The following SRCAP variants were observed in gnomAD, a reference collection of about 807,000 sequenced individuals.
The protein encoded by SRCAP is Snf2 related CREBBP activator protein.
Under a neutral mutation model 263.1 loss-of-function variants are expected in SRCAP, and 46 were observed. The observed-to-expected ratio is 0.17, with a 90% confidence interval of 0.14 to 0.22. The LOEUF (loss-of-function observed/expected upper bound fraction) is 0.22. Among genes scored for constraint, SRCAP ranks in the 10% least tolerant of loss-of-function variants. The pLI, the probability that SRCAP is intolerant of heterozygous loss-of-function variation, is 1.00. For missense variants in SRCAP, 3,695 were observed against 4,181.9 expected, an observed-to-expected ratio of 0.88 and a Z score of 3.21; for synonymous variants, 1,813 against 1,662.1, an observed-to-expected ratio of 1.09 and a Z score of -2.21.
Position 30,711,026 on chromosome 16 carries a change from C to A in SRCAP, c.1256C>A (p.Ala419Asp), listed in dbSNP as rs1241248656. The change falls in exon 10 of 34, where the codon GCT becomes GAT. Residue 419 changes from alanine to aspartate, a missense_variant. Coordinates refer to ENST00000262518, the MANE Select transcript of SRCAP (RefSeq NM_006662.3). The part of the protein sequence containing the change: ...EAEDEEDTIA[A>D]EEQLEGEVDH... ...GAGGATGAAGAGGATACTATAGCAG[C>A]TGAGGAACAGTTGGAAGGGGAGGTG... The A allele has an allele frequency of 6.2e-7, 1 of 1,613,938 alleles. No homozygotes were observed. The highest frequency in any genetic ancestry group is 1.3e-5 in the African/African-American group (1 of 74,912).
intron 27 of SRCAP, among the ~76,000 whole-genome samples, chr16:30,730,949 T>C (rs1217558506): frequency 6.6e-6 from 1 of 152,182 alleles, no homozygotes; most frequent in Admixed American, 6.5e-5. Context: ...ATTACACACG[T>C]GAGCCATTGC....
rs966793193 is a variant in SRCAP at position 30,722,041 on chromosome 16, G to A, written c.3542-81G>A. 2.0e-6 allele frequency: 3 copies of A among 1,519,528 alleles called. No homozygotes were observed. The African/African-American group carries it at 4.1e-5, about 21-fold the overall frequency. 94.1% of individuals were successfully genotyped at this position (1,519,528 alleles called of 1,614,324 possible). ...AGTTGTTTGAACTGGACACTCGGGG[G>A]AGAGGTGTGCTTCATGGGGTCTGTG... is the stretch of plus-strand genomic sequence containing the variant. On this transcript the variant is annotated intron_variant, in intron 21 of 33. Coordinates refer to ENST00000262518, the MANE Select transcript of SRCAP (RefSeq NM_006662.3).
Position 30,723,634 on chromosome 16 carries a change from C to T in SRCAP, c.4210C>T (p.Pro1404Ser). Reference protein sequence around the residue: ...PLTISSPLHVPSSLPGPASSP... With the variant: ...PLTISSPLHVSSSLPGPASSP... ...GACCATCTCTTCTCCTCTCCACGTG[C>T]CATCCTCCCTCCCTGGGCCAGCCTC... The change falls in exon 25 of 34, where the codon CCA (proline) becomes TCA (serine). Residue 1404 changes from proline to serine, a missense_variant. By Grantham distance (74) the Pro-to-Ser change is moderately conservative (BLOSUM62 -1). Around this residue, in one of 12 missense-constraint regions of SRCAP, gnomAD observed 1,347 missense variants for 1,304.4 expected, o/e 1.03. Coordinates refer to ENST00000262518, the MANE Select transcript of SRCAP (RefSeq NM_006662.3). 6.2e-7 allele frequency: 1 copy of T among 1,613,622 alleles called. No individual in the cohort carries two copies. Among genetic ancestry groups the T allele is most frequent in the Non-Finnish European group, 8.5e-7 (1 of 1,179,666 alleles).
At chr16:30,710,883 C>A in intron 9 of SRCAP, 36 bp downstream of exon 9, 4 of 1,608,774 alleles carry the variant, frequency 2.5e-6, no homozygotes, top group Non-Finnish European at 3.4e-6. Context: ...TGCCCCTTAC[C>A]CCTTGAATGA....
At chr16:30,707,411 C>A in intron 5 of SRCAP, 43 bp downstream of exon 5, 1 of 1,607,258 alleles carries the variant, frequency 6.2e-7, no homozygotes, top group South Asian at 1.1e-5. Context: ...CTTTTCAGGT[C>A]TGTTCCTTCC....
At chr16:30,714,823 T>G (rs1239459425) in intron 16 of SRCAP, among the ~76,000 whole-genome samples, 1 of 152,150 alleles carries the variant, frequency 6.6e-6, no homozygotes, top group Non-Finnish European at 1.5e-5. Flanking sequence ...TTTTTTGTTT[T>G]TTTTTAAATG....
intron 31 of SRCAP, among the ~76,000 whole-genome samples, chr16:30,735,156 T>C (rs2053147640): frequency 1.3e-5 from 1 of 74,728 alleles, no homozygotes; most frequent in African/African-American, 3.2e-5. Flanking sequence ...TTTTTTTTTT[T>C]TTTTTTTTGA....
At position 30,738,141 on chromosome 16, in the gene SRCAP, C is replaced by T; in HGVS notation, c.8101C>T (p.Pro2701Ser). Residue 2701 changes from proline (P) to serine (S), a missense_variant, in exon 34 of 34, where the codon CCA becomes TCA. Around this residue, in one of 12 missense-constraint regions of SRCAP, gnomAD observed 1,207 missense variants for 1,142.9 expected, o/e 1.06. Coordinates refer to ENST00000262518, the MANE Select transcript of SRCAP (RefSeq NM_006662.3). Reference protein sequence around the residue: ...QELVTAEVAAPSTSSSATSSP... With the variant: ...QELVTAEVAASSTSSSATSSP... Reference sequence around the variant, plus strand: ...ACTCGTTACAGCTGAGGTTGCAGCTCCATCCACCTCATCTTCAGCCACTTC... The same window carrying T: ...ACTCGTTACAGCTGAGGTTGCAGCTTCATCCACCTCATCTTCAGCCACTTC... The T allele has an allele frequency of 6.2e-7, 1 of 1,614,182 alleles. No homozygotes were observed. The highest frequency in any genetic ancestry group is 8.5e-7 in the Non-Finnish European group (1 of 1,180,038).
chr16:30,702,225 A>G (rs953849856), intron 3 of SRCAP, among the ~76,000 whole-genome samples: 1 of 150,248 alleles, frequency 6.7e-6, no homozygotes, highest in Non-Finnish European at 1.5e-5. Context: ...AAGTGCTGGA[A>G]TGACAGGTGT....
intron 2 of SRCAP, 124 bp downstream of exon 2, chr16:30,700,105 T>A (rs1596636552): frequency 6.6e-6 from 1 of 152,222 alleles, no homozygotes; most frequent in Admixed American, 6.5e-5. Context: ...GCATGTGATT[T>A]TTCTGTAGAG....
rs778385262 is a variant in SRCAP, at chr16:30,720,326, C to G, written c.2982C>G (p.Val994=). Residue 994 remains valine, a synonymous_variant, in exon 19 of 34, where the codon GTC becomes GTG. Transcript: ENST00000262518. ...GGCCCAAGCCAGTCAAGATGAAGGT[C>G]AACAGGTACAAGGACTAAGGAATGA... The part of the protein sequence containing the change: ...PPRPKPVKMK[V]NRMLQPVPKQ... 3 of 1,613,138 alleles carry G rather than the reference C, an allele frequency of 1.9e-6. No homozygotes were observed. In the South Asian group the frequency reaches 3.3e-5, roughly 18 times the overall value.
At chr16:30,732,411 A>G (rs1323363967) in intron 27 of SRCAP, among the ~76,000 whole-genome samples, 1 of 151,576 alleles carries the variant, frequency 6.6e-6, no homozygotes, top group African/African-American at 2.4e-5. Flanking sequence ...AGATTCCACC[A>G]TTGCACTCCA....
At chr16:30,712,469 C>A in intron 13 of SRCAP, 30 bp downstream of exon 13, 1 of 1,542,730 alleles carries the variant, frequency 6.5e-7, no homozygotes, top group Non-Finnish European at 8.7e-7. Flanking sequence ...TCTTTTGTTC[C>A]CCCTAGTCTA....
At chr16:30,711,175 G>T in intron 10 of SRCAP, 87 bp downstream of exon 10, 1 of 994,654 alleles carries the variant, frequency 1.0e-6, no homozygotes, top group Non-Finnish European at 1.6e-6. Context: ...AAGGCACTTT[G>T]TATCCACCCT....
intron 33 of SRCAP, 54 bp from the exon 34 acceptor site, chr16:30,736,991 TACTC>T (rs2053166472): frequency 1.7e-5 from 26 of 1,513,700 alleles, no homozygotes; most frequent in Non-Finnish European, 2.3e-5. Flanking sequence ...TGCTAATTTC[TACTC>T]ACTCTCTACT....
rs146421389 is a variant in SRCAP at position 30,738,540 on chromosome 16, G to A, written c.8500G>A (p.Gly2834Arg). 304 of 1,611,930 alleles carry A rather than the reference G, an allele frequency of 1.9e-4. No homozygotes were observed. The highest frequency in any genetic ancestry group is 2.2e-4 in the Non-Finnish European group (265 of 1,178,984). The change falls in exon 34 of 34, where the codon GGG (glycine) becomes AGG (arginine). Residue 2834 changes from glycine to arginine, a missense_variant. Coordinates refer to ENST00000262518, the MANE Select transcript of SRCAP (RefSeq NM_006662.3). ...PFIARRHIEL[G>R]VTGGGSPENG... is the part of the protein sequence containing the mutation. ...CATTGCTCGCCGTCACATTGAGCTGGGGGTGACTGGTGGTGGCAGCCCCGA... is the reference window on the plus strand; with the variant it reads ...CATTGCTCGCCGTCACATTGAGCTGAGGGTGACTGGTGGTGGCAGCCCCGA...
intron 19 of SRCAP, 114 bp from the exon 20 acceptor site, chr16:30,720,599 T>G: frequency 3.9e-6 from 5 of 1,297,716 alleles, no homozygotes; most frequent in Non-Finnish European, 5.3e-6. Flanking sequence ...TGGGTCTCTT[T>G]CCTTTTCTTT....
At chr16:30,701,952 CTTTTTTTTTT>C (rs1390062542) in intron 3 of SRCAP, among the ~76,000 whole-genome samples, 1 of 139,478 alleles carries the variant, frequency 7.2e-6, no homozygotes, top group Admixed American at 7.3e-5. Context: ...TTCTTTCTTT[CTTTTTTTTTT>C]TTTTATTTTT....
chr16:30,732,968 T>C (rs2053127297), intron 27 of SRCAP, among the ~76,000 whole-genome samples: 1 of 152,150 alleles, frequency 6.6e-6, no homozygotes, highest in South Asian at 2.1e-4. Flanking sequence ...CCTGAGTAGC[T>C]GGGATTACAG....
Sources: gnomAD v4.1 joint callset for allele counts (sites outside exome capture counted in the v4.1 genomes callset) on GRCh38, gnomAD v4.1.1 for gene constraint, gnomAD v4.1.1 regional missense constraint, MANE v1.5 for transcripts, NCBI Gene and HGNC (gene_info 2026-07-23, HGNC 2026-07-21) for gene names.